Variants in TRPC4 observed in about 807,000 individuals in gnomAD.
TRPC4 encodes short transient receptor potential channel 4.
Under a neutral mutation model 99.4 loss-of-function variants are expected in TRPC4, and 49 were observed. That is an observed-to-expected ratio of 0.49 (90% CI 0.39 to 0.63). The LOEUF (loss-of-function observed/expected upper bound fraction) is 0.63, where lower values mean the gene tolerates loss of function less well. Among genes scored for constraint, TRPC4 ranks in the 20% least tolerant of loss-of-function variants. The pLI is 0.00. For missense variants in TRPC4, 898 were observed against 1,152.9 expected, an observed-to-expected ratio of 0.78 and a Z score of 3.20; for synonymous variants, 454 against 425.9, an observed-to-expected ratio of 1.07 and a Z score of -0.81.
chr13:37,728,870 G>A lies in TRPC4; in HGVS notation c.897+17067C>T, dbSNP rs533255386. ...GAAATAGTTGAGAGCCTAGAAATGA[G>A]CCCTCACATATGTGATCAAATTGTT... On this transcript the variant is annotated intron_variant, in intron 3 of 10. Coordinates refer to ENST00000379705, the MANE Select transcript of TRPC4 (RefSeq NM_016179.4). Among the ~76,000 whole-genome samples, 168 of 152,170 alleles carry A rather than the reference G, an allele frequency of 1.1e-3. 1 individual carries two copies. The highest frequency in any genetic ancestry group is 3.8e-3 in the African/African-American group (157 of 41,538).
intron 2 of TRPC4, 117 bp from the exon 3 acceptor site, chr13:37,746,572 T>C: frequency 8.3e-7 from 1 of 1,208,500 alleles, no homozygotes; most frequent in African/African-American, 1.5e-5. Context: ...GCCGGGTTTT[T>C]TTTTTTTTGT....
At chr13:37,751,493 A>AC (rs1407276081) in intron 2 of TRPC4, among the ~76,000 whole-genome samples, 2 of 152,058 alleles carry the variant, frequency 1.3e-5, no homozygotes, top group Non-Finnish European at 2.9e-5. Context: ...GGAAAAGGGG[A>AC]CCCTATGGTT....
chr13:37,660,380 G>A (rs1449476436), intron 6 of TRPC4, among the ~76,000 whole-genome samples: 3 of 152,176 alleles, frequency 2.0e-5, no homozygotes, highest in African/African-American at 7.2e-5. Context: ...GAAGGCTCCA[G>A]GTGATAATTT....
chr13:37,743,382 G>C (rs1025308485), intron 3 of TRPC4, among the ~76,000 whole-genome samples: 2 of 152,110 alleles, frequency 1.3e-5, no homozygotes, highest in Non-Finnish European at 2.9e-5. Flanking sequence ...TTGCTTCTTA[G>C]ATACTGAAGA....
At chr13:37,716,178 G>T (rs1019329105) in intron 3 of TRPC4, among the ~76,000 whole-genome samples, 1 of 152,114 alleles carries the variant, frequency 6.6e-6, no homozygotes, top group Non-Finnish European at 1.5e-5. Flanking sequence ...AATTTGTTAT[G>T]TGTTGTTGGT....
At chr13:37,692,770 T>A (rs1413477777) in intron 3 of TRPC4, among the ~76,000 whole-genome samples, 2 of 152,212 alleles carry the variant, frequency 1.3e-5, no homozygotes. Context: ...TTTATATTTG[T>A]GTGTACTTTT....
At chr13:37,676,769 T>C (rs1232155386) in intron 4 of TRPC4, among the ~76,000 whole-genome samples, 5 of 151,906 alleles carry the variant, frequency 3.3e-5, no homozygotes, top group Non-Finnish European at 7.4e-5. Context: ...TACTAAAGAC[T>C]TTTTCTTCAA....
chr13:37,782,858 A>T, intron 2 of TRPC4, 98 bp downstream of exon 2: 1 of 1,181,538 alleles, frequency 8.5e-7, no homozygotes, highest in Non-Finnish European at 1.1e-6. Context: ...TTAAATTTTC[A>T]GGGCATTTGA....
At chr13:37,799,804 G>C (rs942236699) in intron 1 of TRPC4, among the ~76,000 whole-genome samples, 1 of 152,160 alleles carries the variant, frequency 6.6e-6, no homozygotes, top group African/African-American at 2.4e-5. Context: ...TACTATGTAA[G>C]GATACAATAC....
chr13:37,817,166 C>T (rs1239465772), intron 1 of TRPC4, among the ~76,000 whole-genome samples: 1 of 152,090 alleles, frequency 6.6e-6, no homozygotes, highest in Non-Finnish European at 1.5e-5. Context: ...TACACAACTT[C>T]CGCAAAGTCT....
intron 4 of TRPC4, among the ~76,000 whole-genome samples, chr13:37,678,965 T>C (rs1953148061): frequency 6.6e-6 from 1 of 152,144 alleles, no homozygotes. Flanking sequence ...ATCAACAGCT[T>C]TTTGAAAAAA....
At chr13:37,815,860 A>G (rs899286969) in intron 1 of TRPC4, among the ~76,000 whole-genome samples, 5 of 150,104 alleles carry the variant, frequency 3.3e-5, no homozygotes, top group Non-Finnish European at 3.0e-5. Flanking sequence ...TGACAATCCA[A>G]TTGTACCTGA....
At chr13:37,861,753 A>G (rs1390407863) in intron 1 of TRPC4, among the ~76,000 whole-genome samples, 1 of 151,518 alleles carries the variant, frequency 6.6e-6, no homozygotes, top group African/African-American at 2.4e-5. Flanking sequence ...AATGAACCAG[A>G]TAAGCAAATA....
intron 3 of TRPC4, among the ~76,000 whole-genome samples, chr13:37,714,978 C>T (rs147847223): frequency 6.0e-4 from 92 of 152,248 alleles, no homozygotes; most frequent in Non-Finnish European, 1.0e-3. Context: ...GGTACACAAA[C>T]AATATTTGTT....
At chr13:37,864,307 T>A (rs1566234035) in intron 1 of TRPC4, among the ~76,000 whole-genome samples, 1 of 151,654 alleles carries the variant, frequency 6.6e-6, no homozygotes, top group Non-Finnish European at 1.5e-5. Flanking sequence ...TTAAGAATTC[T>A]GGCACAGTAC....
chr13:37,827,407 C>G (rs1193628903), intron 1 of TRPC4, among the ~76,000 whole-genome samples: 1 of 152,126 alleles, frequency 6.6e-6, no homozygotes, highest in Admixed American at 6.5e-5. Context: ...GTGGTTTTAT[C>G]TACTTTTGGT....
At chr13:37,723,832 G>A (rs1016463821) in intron 3 of TRPC4, among the ~76,000 whole-genome samples, 1 of 152,044 alleles carries the variant, frequency 6.6e-6, no homozygotes, top group African/African-American at 2.4e-5. Flanking sequence ...TGGGATTACA[G>A]GTGTGAGCCA....
At chr13:37,753,083 G>A (rs2139199575) in intron 2 of TRPC4, among the ~76,000 whole-genome samples, 1 of 151,798 alleles carries the variant, frequency 6.6e-6, no homozygotes, top group South Asian at 2.1e-4. Context: ...ATAAAACAAA[G>A]GGGAAATTAA....
chr13:37,648,632 T>G (rs182541642), intron 8 of TRPC4, among the ~76,000 whole-genome samples: 55 of 152,224 alleles, frequency 3.6e-4, no homozygotes, highest in African/African-American at 1.3e-3. Context: ...AATTCAAATA[T>G]AAACACATAA....
Sources: allele counts gnomAD v4.1 joint callset (sites outside exome capture counted in the v4.1 genomes callset), GRCh38; gene constraint gnomAD v4.1.1; transcripts MANE v1.5; gene names NCBI Gene and HGNC (gene_info 2026-07-23, HGNC 2026-07-21).